The following SLC12A1 variants were observed in gnomAD, a reference collection of about 807,000 sequenced individuals.
SLC12A1 encodes the protein Na-K-2Cl cotransporter.
In SLC12A1, 89 loss-of-function variants were observed where a neutral mutation model predicts 130.4. The ratio of observed to expected loss-of-function variants is 0.68; its 90% CI spans 0.58 to 0.81. The LOEUF is 0.81. SLC12A1 is among the 40% of genes least tolerant of loss of function. SLC12A1 has a pLI of 0.00. For missense variants in SLC12A1, 1,310 were observed against 1,336.4 expected, an observed-to-expected ratio of 0.98 and a Z score of 0.31; for synonymous variants, 499 against 460.0, an observed-to-expected ratio of 1.08 and a Z score of -1.09.
chr15:48,232,606 G>A lies in SLC12A1; in HGVS notation c.976-121G>A. On this transcript the variant is annotated intron_variant, in intron 7 of 26. Coordinates refer to ENST00000380993, the MANE Select transcript of SLC12A1 (RefSeq NM_000338.3). The stretch of plus-strand genomic sequence containing the variant: ...ATGCATGTATTACCTACTCTGGGTA[G>A]CAGAGACTTAACTGAAATATCAGAT... 4.2e-6 allele frequency: 3 copies of A among 720,890 alleles called. No individual in the cohort carries two copies. The Admixed American group carries it at 6.0e-5, about 15-fold the overall frequency. The allele number at this position is 720,890 out of a possible 1,614,324, so 44.7% of individuals were successfully genotyped here.
intron 20 of SLC12A1, among the ~76,000 whole-genome samples, chr15:48,282,449 T>C (rs754178452): frequency 2.1e-4 from 32 of 152,058 alleles, no homozygotes; most frequent in Non-Finnish European, 4.1e-4. Context: ...ACAAAGAGCA[T>C]GGCAACCAGT....
intron 25 of SLC12A1, 42 bp from the exon 26 acceptor site, chr15:48,301,273 T>G (rs977982409): frequency 2.3e-6 from 3 of 1,317,366 alleles, no homozygotes; most frequent in Non-Finnish European, 3.2e-6. Flanking sequence ...CATTCATAAT[T>G]CTGGTAGAAC....
Position 48,234,973 on chromosome 15 carries a change from T to C in SLC12A1, c.1184T>C (p.Leu395Pro). 6.2e-7 allele frequency: 1 copy of C among 1,613,958 alleles called. No individual in the cohort carries two copies. The highest frequency in any genetic ancestry group is 8.5e-7 in the Non-Finnish European group (1 of 1,179,844). Residue 395 changes from leucine to proline, a missense_variant, in exon 9 of 27, where the codon CTT becomes CCT. Transcript: ENST00000380993. The part of the protein sequence containing the change: ...AIFFPAATGI[L>P]AGANISGDLE... ...TTTTTCCCAGCAGCTACTGGGATTC[T>C]TGCTGGTGCCAATATCTCAGGAGAT...
intron 2 of SLC12A1, 24 bp from the exon 3 acceptor site, chr15:48,220,610 G>A (rs2041199338): frequency 3.7e-6 from 6 of 1,607,742 alleles, no homozygotes; most frequent in South Asian, 2.2e-5. Context: ...CAACTACTGT[G>A]TTTTTGCTAT....
chr15:48,288,124 A>G lies in SLC12A1; in HGVS notation c.2711A>G (p.Lys904Arg). Residue 904 changes from lysine (K) to arginine (R), a missense_variant, in exon 22 of 27, where the codon AAG (lysine) becomes AGG (arginine). By Grantham distance (26) the Lys-to-Arg change is conservative. Coordinates refer to ENST00000380993, the MANE Select transcript of SLC12A1 (RefSeq NM_000338.3). ...GTGGAAGCCAGCACTCAATTTAAAA[A>G]GAAACAAGAAAAAGGCACAATTGAT... The part of the protein sequence containing the change: ...KLVEASTQFK[K>R]KQEKGTIDVW... 6.2e-7 allele frequency: 1 copy of G among 1,610,486 alleles called. No individual in the cohort carries two copies. Among genetic ancestry groups the G allele is most frequent in the Non-Finnish European group, 8.5e-7 (1 of 1,178,318 alleles).
intron 2 of SLC12A1, 41 bp from the exon 3 acceptor site, chr15:48,220,593 C>A: frequency 1.9e-6 from 3 of 1,581,808 alleles, no homozygotes; most frequent in South Asian, 2.4e-5. Context: ...ACCCTTTGTT[C>A]ATTGACCAAC....
chr15:48,221,552 G>GATA, intron 4 of SLC12A1: 1 of 569,964 alleles, frequency 1.8e-6, no homozygotes, highest in East Asian at 2.8e-5. Flanking sequence ...AAATGACTAA[G>GATA]ATAATATGTG....
intron 2 of SLC12A1, among the ~76,000 whole-genome samples, chr15:48,211,771 A>T (rs557471111): frequency 6.6e-6 from 1 of 152,350 alleles, no homozygotes; most frequent in East Asian, 1.9e-4. Context: ...ACAAAATTAT[A>T]CTAATAGGTA....
intron 1 of SLC12A1, among the ~76,000 whole-genome samples, chr15:48,206,801 C>A (rs1190395270): frequency 6.6e-6 from 1 of 151,818 alleles, no homozygotes; most frequent in South Asian, 2.1e-4. Context: ...TAGCAGAGGA[C>A]TTTTTTAAGG....
chr15:48,243,515 G>T (rs1341738967), intron 10 of SLC12A1, among the ~76,000 whole-genome samples: 1 of 152,154 alleles, frequency 6.6e-6, no homozygotes, highest in Non-Finnish European at 1.5e-5. Context: ...AATTATCCGG[G>T]CATGGTGGCA....
intron 2 of SLC12A1, among the ~76,000 whole-genome samples, chr15:48,215,228 T>C (rs1333975543): frequency 2.0e-5 from 3 of 152,168 alleles, no homozygotes; most frequent in Non-Finnish European, 4.4e-5. Context: ...AATAATTTAA[T>C]CTTTCATTAT....
intron 24 of SLC12A1, among the ~76,000 whole-genome samples, chr15:48,298,672 T>A (rs1175698452): frequency 2.0e-5 from 3 of 152,238 alleles, no homozygotes; most frequent in African/African-American, 4.8e-5. Flanking sequence ...AGTTGCCATG[T>A]GGACTAAGGG....
chr15:48,299,328 A>G (rs2042208645), intron 25 of SLC12A1, 53 bp downstream of exon 25: 5 of 1,438,862 alleles, frequency 3.5e-6, no homozygotes, highest in East Asian at 2.5e-5. Flanking sequence ...TGAGAAAGGA[A>G]ACAGTAGTTG....
chr15:48,220,332 C>G (rs1185617925), intron 2 of SLC12A1, among the ~76,000 whole-genome samples: 2 of 151,996 alleles, frequency 1.3e-5, no homozygotes, highest in East Asian at 3.9e-4. Flanking sequence ...TTTTGTTTCT[C>G]TTATGTGCTA....
At chr15:48,236,069 A>G (rs556972803) in intron 9 of SLC12A1, among the ~76,000 whole-genome samples, 1 of 147,642 alleles carries the variant, frequency 6.8e-6, no homozygotes, top group Non-Finnish European at 1.5e-5. Context: ...GAGGACATAT[A>G]TCGGGGACAA....
intron 9 of SLC12A1, chr15:48,237,145 A>G (rs2041449036): frequency 3.1e-6 from 2 of 642,636 alleles, no homozygotes; most frequent in Non-Finnish European, 5.6e-6. Flanking sequence ...GTAAAGGAAG[A>G]CTTTCAGAAG....
chr15:48,230,827 C>CT (rs1402792002), intron 7 of SLC12A1, among the ~76,000 whole-genome samples: 1 of 152,216 alleles, frequency 6.6e-6, no homozygotes, highest in Non-Finnish European at 1.5e-5. Context: ...CCTGGTTCCT[C>CT]TTTCAAGCTG....
chr15:48,289,992 G>A (rs1018400360), intron 23 of SLC12A1, among the ~76,000 whole-genome samples: 8 of 152,098 alleles, frequency 5.3e-5, no homozygotes, highest in Non-Finnish European at 1.0e-4. Context: ...TTAGCTTACC[G>A]TAAACATTTT....
intron 24 of SLC12A1, among the ~76,000 whole-genome samples, chr15:48,296,206 G>T (rs748994395): frequency 6.6e-6 from 1 of 152,136 alleles, no homozygotes; most frequent in Admixed American, 6.5e-5. Flanking sequence ...AAAATAGTTT[G>T]TCAATGATTT....
Sources: gnomAD v4.1 joint callset for allele counts (sites outside exome capture counted in the v4.1 genomes callset) on GRCh38, gnomAD v4.1.1 for gene constraint, MANE v1.5 for transcripts, NCBI Gene and HGNC (gene_info 2026-07-23, HGNC 2026-07-21) for gene names.